Variants in CACNG4 observed in about 807,000 individuals in gnomAD.
CACNG4 encodes voltage-dependent calcium channel gamma-4 subunit.
A neutral mutation model predicts 22.9 loss-of-function variants in CACNG4; 8 were observed. The observed-to-expected ratio is 0.35, with a 90% CI of 0.21 to 0.63. The LOEUF (loss-of-function observed/expected upper bound fraction) is 0.63. CACNG4 is among the 30% of genes least tolerant of loss of function. CACNG4 has a pLI of 0.72. For synonymous variants in CACNG4, 188 were observed against 191.9 expected, an observed-to-expected ratio of 0.98 and a Z score of 0.17; for missense variants, 357 against 455.4, an observed-to-expected ratio of 0.78 and a Z score of 1.97.
intron 1 of CACNG4, among the ~76,000 whole-genome samples, chr17:67,007,090 G>C (rs185529381): frequency 6.6e-6 from 1 of 152,086 alleles, no homozygotes; most frequent in Non-Finnish European, 1.5e-5. Flanking sequence ...CATGAGAATC[G>C]CTTGAACCCA....
rs1021842871 is a variant in CACNG4 at position 67,015,649 on chromosome 17, G to A, written c.221-2540G>A. On this transcript the variant is annotated intron_variant, in intron 1 of 3. Transcript: ENST00000262138. ...CCCACGCGTATATACGTGGAAGGGT[G>A]TGCCCACGAAGGAGCATCTGAGAAG... Among the ~76,000 whole-genome samples the A allele has an allele frequency of 4.0e-4, 61 of 152,342 alleles. 1 individual carries two copies. The highest frequency in any genetic ancestry group is 1.8e-4 in the Non-Finnish European group (12 of 68,034).
intron 2 of CACNG4, among the ~76,000 whole-genome samples, chr17:67,020,925 C>A (rs1020720000): frequency 1.2e-4 from 18 of 152,162 alleles, no homozygotes; most frequent in South Asian, 2.1e-4. Context: ...TTATTGCAGC[C>A]AGATGCAGTG....
intron 1 of CACNG4, among the ~76,000 whole-genome samples, chr17:66,996,284 A>G (rs2035374357): frequency 6.6e-6 from 1 of 151,812 alleles, no homozygotes; most frequent in Admixed American, 6.6e-5. Context: ...ACGCAGACAC[A>G]GAGCCAGGGA....
At chr17:67,011,292 G>C (rs2035466392) in intron 1 of CACNG4, among the ~76,000 whole-genome samples, 1 of 152,062 alleles carries the variant, frequency 6.6e-6, no homozygotes, top group Admixed American at 6.6e-5. Context: ...GATCATGGAG[G>C]ATGGTCTGAA....
intron 1 of CACNG4, among the ~76,000 whole-genome samples, chr17:66,965,964 C>G (rs1408042866): frequency 1.3e-5 from 2 of 152,112 alleles, no homozygotes; most frequent in African/African-American, 4.8e-5. Context: ...GTGTGCAGGA[C>G]CGATCTGCGG....
chr17:66,975,430 C>T (rs1450285017), intron 1 of CACNG4, among the ~76,000 whole-genome samples: 1 of 152,158 alleles, frequency 6.6e-6, no homozygotes, highest in Non-Finnish European at 1.5e-5. Flanking sequence ...AGACAAATTG[C>T]CTAACCTCTC....
intron 1 of CACNG4, among the ~76,000 whole-genome samples, chr17:66,967,929 G>A (rs2035180118): frequency 6.6e-6 from 1 of 152,156 alleles, no homozygotes; most frequent in African/African-American, 2.4e-5. Flanking sequence ...AGCTTCACAG[G>A]GCTGACCTTG....
intron 1 of CACNG4, among the ~76,000 whole-genome samples, chr17:66,978,003 G>C (rs979727317): frequency 3.3e-5 from 5 of 152,210 alleles, no homozygotes; most frequent in Admixed American, 3.3e-4. Context: ...AGGGTTGTCA[G>C]GAGAATCAGA....
chr17:66,993,210 G>C (rs1233874169), intron 1 of CACNG4, among the ~76,000 whole-genome samples: 2 of 152,244 alleles, frequency 1.3e-5, no homozygotes, highest in East Asian at 3.8e-4. Flanking sequence ...GCACCATTTC[G>C]GGGCTTGGCA....
intron 2 of CACNG4, among the ~76,000 whole-genome samples, chr17:67,020,641 C>T (rs945422923): frequency 1.3e-5 from 2 of 152,232 alleles, no homozygotes; most frequent in Admixed American, 6.5e-5. Context: ...CTGCATGTGT[C>T]TTTGATCATC....
chr17:66,992,060 C>A (rs931061367), intron 1 of CACNG4, among the ~76,000 whole-genome samples: 2 of 152,132 alleles, frequency 1.3e-5, no homozygotes. Flanking sequence ...GGTGGTGACA[C>A]CTCCCTTCTC....
intron 1 of CACNG4, among the ~76,000 whole-genome samples, chr17:66,967,817 G>C (rs115135997): frequency 1.3e-5 from 2 of 152,178 alleles, no homozygotes; most frequent in African/African-American, 4.8e-5. Context: ...TTGCATGTTC[G>C]TGTCTTATAA....
At chr17:66,994,343 A>AG (rs2035360544) in intron 1 of CACNG4, among the ~76,000 whole-genome samples, 1 of 151,860 alleles carries the variant, frequency 6.6e-6, no homozygotes, top group Non-Finnish European at 1.5e-5. Context: ...AAAAAAAAAA[A>AG]AACTGCGCCT....
intron 1 of CACNG4, among the ~76,000 whole-genome samples, chr17:67,016,984 T>C (rs954662749): frequency 6.6e-6 from 1 of 152,122 alleles, no homozygotes; most frequent in Non-Finnish European, 1.5e-5. Context: ...TGGAAGTTTC[T>C]CTTGCTCCAT....
chr17:66,998,417 C>G (rs1416845357), intron 1 of CACNG4, among the ~76,000 whole-genome samples: 1 of 152,092 alleles, frequency 6.6e-6, no homozygotes, highest in Non-Finnish European at 1.5e-5. Context: ...GAGATGGGGT[C>G]TCACTCAAAC....
intron 1 of CACNG4, among the ~76,000 whole-genome samples, chr17:66,973,771 G>T (rs2035219126): frequency 6.6e-6 from 1 of 152,100 alleles, no homozygotes; most frequent in Non-Finnish European, 1.5e-5. Context: ...TTGGTCTCCT[G>T]GGAAACAGCT....
chr17:67,002,038 G>A (rs2035411242), intron 1 of CACNG4, among the ~76,000 whole-genome samples: 1 of 150,188 alleles, frequency 6.7e-6, no homozygotes, highest in Non-Finnish European at 1.5e-5. Flanking sequence ...CAGACCACAG[G>A]TATGGGAGTG....
chr17:66,978,715 G>A (rs918553639), intron 1 of CACNG4, among the ~76,000 whole-genome samples: 3 of 152,210 alleles, frequency 2.0e-5, no homozygotes, highest in East Asian at 1.9e-4. Context: ...GGGCGAGCAC[G>A]CTGTCCCTGC....
chr17:66,987,123 C>T (rs1205759501), intron 1 of CACNG4, among the ~76,000 whole-genome samples: 2 of 152,084 alleles, frequency 1.3e-5, no homozygotes, highest in Non-Finnish European at 2.9e-5. Flanking sequence ...ACAGGGTTTC[C>T]ATTTGGGGTG....
Sources: gnomAD v4.1 joint callset for allele counts (sites outside exome capture counted in the v4.1 genomes callset) on GRCh38, gnomAD v4.1.1 for gene constraint, MANE v1.5 for transcripts, NCBI Gene and HGNC (gene_info 2026-07-23, HGNC 2026-07-21) for gene names.